MAML1: variants seen among roughly 807,000 people sequenced by gnomAD.
MAML1 encodes the protein mastermind like transcriptional coactivator 1.
MAML1 carries 14 observed loss-of-function variants against 77.1 expected under a neutral mutation model. The observed-to-expected ratio is 0.18, with a 90% confidence interval of 0.12 to 0.28. MAML1 has a LOEUF of 0.28. Among genes scored for constraint, MAML1 ranks in the 10% least tolerant of loss-of-function variants. The pLI, the probability that MAML1 is intolerant of heterozygous loss-of-function variation, is 1.00. For missense variants in MAML1, 1,217 were observed against 1,327.8 expected (o/e 0.92, Z 1.30); for synonymous variants, 516 against 551.9 (o/e 0.93, Z 0.91).
chr5:179,736,926 A>G lies in MAML1; in HGVS notation c.315+3499A>G, dbSNP rs77966200. Among the ~76,000 whole-genome samples, 37 of 151,112 alleles carry G rather than the reference A, an allele frequency of 2.4e-4. 1 individual carries two copies. In the East Asian group the frequency reaches 5.5e-3, roughly 22 times the overall value. On this transcript the variant is annotated intron_variant, in intron 1 of 4. Coordinates refer to ENST00000292599, the MANE Select transcript of MAML1 (RefSeq NM_014757.5). ...CAGTGAGCTGAGATCGTACCACTGC[A>G]CTCCAGCCTGGGCAACAGAGGGAGA...
chr5:179,775,471 G>A lies in MAML1; in HGVS notation c.*594G>A. 2.0e-6 allele frequency: 2 copies of A among 985,378 alleles called. No homozygotes were observed. Among genetic ancestry groups the A allele is most frequent in the Non-Finnish European group, 2.4e-6 (2 of 829,922 alleles). The allele number at this position is 985,378 out of a possible 1,614,324, so 61.0% of individuals were successfully genotyped here. A position where few individuals can be genotyped will look rare whatever the true frequency, so the allele number is the denominator to read the frequency against. ...CTCTTTGTCAGCTTTCAGGGGAGAA[G>A]GAGGCCACTGGAAAATTATTTCCCT... On this transcript the variant is annotated 3_prime_UTR_variant, in exon 5 of 5. Transcript: ENST00000292599.
At chr5:179,749,004 C>T (rs1344084580) in intron 1 of MAML1, among the ~76,000 whole-genome samples, 3 of 149,434 alleles carry the variant, frequency 2.0e-5, no homozygotes, top group Non-Finnish European at 3.0e-5. Context: ...CTCACTCTGT[C>T]GCCCGGGCTG....
intron 1 of MAML1, among the ~76,000 whole-genome samples, chr5:179,733,633 C>CT (rs1196663702): frequency 6.6e-6 from 1 of 152,242 alleles, no homozygotes; most frequent in Non-Finnish European, 1.5e-5. Flanking sequence ...AAAACAGCGC[C>CT]TTGAGGGCCT....
At position 179,746,346 on chromosome 5, in the gene MAML1, A is replaced by C. The variant is rs561618035; in HGVS notation, c.315+12919A>C. Among the ~76,000 whole-genome samples, 5 of 151,984 alleles carry C rather than the reference A, an allele frequency of 3.3e-5. No individual in the cohort carries two copies. In the East Asian group the frequency reaches 9.7e-4, roughly 30 times the overall value. On this transcript the variant is annotated intron_variant, in intron 1 of 4. Transcript: ENST00000292599. Reference sequence around the variant, plus strand: ...GGCGGCAGAGCGAGACTCCGTCTCAAAAAAAAAGGGAATAAGTTTAGTTAT... The same window carrying C: ...GGCGGCAGAGCGAGACTCCGTCTCACAAAAAAAGGGAATAAGTTTAGTTAT...
rs751960870 is a variant in MAML1 at position 179,766,462 on chromosome 5, C to CATT, written c.1453_1454insTTA (p.Pro484_Ser485insIle). 6.2e-7 allele frequency: 1 copy of CATT among 1,611,802 alleles called. No individual in the cohort carries two copies. The highest frequency in any genetic ancestry group is 8.5e-7 in the Non-Finnish European group (1 of 1,178,974). Reference sequence around the variant, plus strand: ...GGCCCGGAGGCCCCTACCTCCAGCCCAGCCATGTGAACCTGCTGAGTCACC... The same window carrying CATT: ...GGCCCGGAGGCCCCTACCTCCAGCCCATTAGCCATGTGAACCTGCTGAGTCACC... On this transcript the variant is annotated inframe_insertion, in exon 2 of 5. Transcript: ENST00000292599. The surrounding 1 kb of genome is among the most constrained non-coding windows in gnomAD (Gnocchi z 4.0).
chr5:179,735,228 T>G (rs913658754), intron 1 of MAML1, among the ~76,000 whole-genome samples: 2 of 152,178 alleles, frequency 1.3e-5, no homozygotes, highest in African/African-American at 4.8e-5. Context: ...AGGCCGCCTG[T>G]GGGACCCTCC....
chr5:179,765,702 C>G lies in MAML1; in HGVS notation c.692C>G (p.Thr231Ser), dbSNP rs759419227. Residue 231 changes from threonine (T) to serine (S), a missense_variant, in exon 2 of 5, where the codon ACT (threonine) becomes AGT (serine). Coordinates refer to ENST00000292599, the MANE Select transcript of MAML1 (RefSeq NM_014757.5). ...GACCTGCCTTGCATGATCACTGGGA[C>G]TGTCGGCTCCATATCGCAAAGCAAC... is the stretch of plus-strand genomic sequence containing the variant. ...VEDLPCMITG[T>S]VGSISQSNLM... 3.7e-6 allele frequency: 6 copies of G among 1,613,956 alleles called. No individual in the cohort carries two copies. Among genetic ancestry groups the G allele is most frequent in the Non-Finnish European group, 5.1e-6 (6 of 1,179,944 alleles).
intron 1 of MAML1, among the ~76,000 whole-genome samples, chr5:179,757,392 A>T (rs1379393935): frequency 6.6e-6 from 1 of 151,706 alleles, no homozygotes; most frequent in African/African-American, 2.4e-5. Context: ...ACATGGTGAA[A>T]CCCCGTCTCT....
At chr5:179,743,504 C>CTA (rs999590507) in intron 1 of MAML1, among the ~76,000 whole-genome samples, 4 of 150,780 alleles carry the variant, frequency 2.7e-5, no homozygotes, top group African/African-American at 9.8e-5. Context: ...GTAGCTGGGA[C>CTA]TACAGGCGCC....
At chr5:179,758,812 C>T (rs185608899) in intron 1 of MAML1, among the ~76,000 whole-genome samples, 169 of 152,102 alleles carry the variant, frequency 1.1e-3, no homozygotes, top group African/African-American at 3.8e-3. Flanking sequence ...AGACCAGCCT[C>T]GCCAACATGG....
intron 1 of MAML1, among the ~76,000 whole-genome samples, chr5:179,734,552 A>G (rs1263444338): frequency 6.6e-6 from 1 of 152,134 alleles, no homozygotes; most frequent in Admixed American, 6.5e-5. Context: ...CTCAGATTTC[A>G]TTGCTTATTG....
chr5:179,752,646 G>A (rs1212839572), intron 1 of MAML1, among the ~76,000 whole-genome samples: 1 of 120,606 alleles, frequency 8.3e-6, no homozygotes, highest in African/African-American at 3.1e-5. Flanking sequence ...TCGCTCTGTC[G>A]CCCAGGCTGG....
chr5:179,733,280 C>G lies in MAML1; in HGVS notation c.168C>G (p.Thr56=). The part of the protein sequence containing the change: ...PERLELERQH[T]FALHQRCIQA... Reference sequence around the variant, plus strand: ...GCCTGGAGCTGGAGCGCCAACACACCTTCGCCCTGCACCAGCGCTGCATCC... The same window carrying G: ...GCCTGGAGCTGGAGCGCCAACACACGTTCGCCCTGCACCAGCGCTGCATCC... Residue 56 remains threonine, a synonymous_variant, in exon 1 of 5, where the codon ACC becomes ACG. Transcript: ENST00000292599. The G allele has an allele frequency of 1.4e-6, 2 of 1,458,508 alleles. No individual in the cohort carries two copies. The highest frequency in any genetic ancestry group is 1.8e-6 in the Non-Finnish European group (2 of 1,106,932). The allele number at this position is 1,458,508 out of a possible 1,614,324, so 90.3% of individuals were successfully genotyped here.
chr5:179,738,212 CTT>C (rs1447220964), intron 1 of MAML1, among the ~76,000 whole-genome samples: 2 of 152,226 alleles, frequency 1.3e-5, no homozygotes, highest in Non-Finnish European at 1.5e-5. Flanking sequence ...CTCTCTGCCT[CTT>C]TCTCTCTCTC....
intron 1 of MAML1, among the ~76,000 whole-genome samples, chr5:179,740,008 C>G (rs1779250767): frequency 6.6e-6 from 1 of 152,120 alleles, no homozygotes; most frequent in Non-Finnish European, 1.5e-5. Flanking sequence ...AAGTGCTAAG[C>G]AAAAATTAAA....
intron 1 of MAML1, among the ~76,000 whole-genome samples, chr5:179,758,470 G>A (rs922989929): frequency 2.7e-5 from 4 of 148,840 alleles, no homozygotes; most frequent in African/African-American, 7.4e-5. Flanking sequence ...ATGGCTCACC[G>A]CAGTCTCCCT....
Position 179,744,797 on chromosome 5 carries a change from A to G in MAML1, c.315+11370A>G, listed in dbSNP as rs146205657. ...CTTTTGCTCTCTTTCAAGTTGATTCATGCAGAATAATAGATGTAGCATTTA... is the reference window on the plus strand; with the variant it reads ...CTTTTGCTCTCTTTCAAGTTGATTCGTGCAGAATAATAGATGTAGCATTTA... On this transcript the variant is annotated intron_variant, in intron 1 of 4. Coordinates refer to ENST00000292599, the MANE Select transcript of MAML1 (RefSeq NM_014757.5). 6.2e-3 allele frequency among the ~76,000 whole-genome samples: 941 copies of G among 152,250 alleles called. 11 individuals are homozygous for G. The highest frequency in any genetic ancestry group is 0.021 in the African/African-American group (875 of 41,558).
intron 1 of MAML1, among the ~76,000 whole-genome samples, chr5:179,734,511 C>T (rs1320721579): frequency 6.6e-6 from 1 of 152,166 alleles, no homozygotes; most frequent in African/African-American, 2.4e-5. Context: ...CCACACTAGC[C>T]TCGATTGCTG....
At chr5:179,762,376 T>A (rs2113370354) in intron 1 of MAML1, among the ~76,000 whole-genome samples, 2 of 151,978 alleles carry the variant, frequency 1.3e-5, no homozygotes, top group South Asian at 4.2e-4. Flanking sequence ...AGGTGGCGCC[T>A]GGAGAGTGTG....
Sources: allele counts gnomAD v4.1 joint callset (sites outside exome capture counted in the v4.1 genomes callset), GRCh38; gene constraint gnomAD v4.1.1; non-coding constraint Gnocchi (gnomAD v3.1); transcripts MANE v1.5; gene names NCBI Gene and HGNC (gene_info 2026-07-23, HGNC 2026-07-21).